The following PARD3 variants were observed in gnomAD, a reference collection of about 807,000 sequenced individuals.
PARD3 encodes the protein partitioning defective 3 homolog.
In PARD3, 75 loss-of-function variants were observed where a neutral mutation model predicts 155.4. The ratio of observed to expected loss-of-function variants is 0.48; its 90% CI spans 0.40 to 0.58. The LOEUF (loss-of-function observed/expected upper bound fraction) is 0.58, where lower values mean the gene tolerates loss of function less well. PARD3 is among the 20% of genes least tolerant of loss of function. The pLI is 0.00. For synonymous variants in PARD3, 576 were observed against 610.5 expected, an observed-to-expected ratio of 0.94 and a Z score of 0.83; for missense variants, 1,642 against 1,721.7, an observed-to-expected ratio of 0.95 and a Z score of 0.82.
At chr10:34,241,384 G>A in intron 22 of PARD3, among the ~76,000 whole-genome samples, 1 of 152,170 alleles carries the variant, frequency 6.6e-6, no homozygotes, top group Non-Finnish European at 1.5e-5. Flanking sequence ...GTGAACACTG[G>A]GGAGCACCGG....
chr10:34,703,907 G>C (rs1476677666), intron 1 of PARD3, among the ~76,000 whole-genome samples: 1 of 152,126 alleles, frequency 6.6e-6, no homozygotes, highest in Non-Finnish European at 1.5e-5. Context: ...GTAGAAAAAA[G>C]ACCTTTTTTA....
At chr10:34,196,782 C>T (rs180841156) in intron 22 of PARD3, among the ~76,000 whole-genome samples, 369 of 151,992 alleles carry the variant, frequency 2.4e-3, no homozygotes, top group Non-Finnish European at 4.0e-3. Flanking sequence ...ACCGTGTTAG[C>T]CAGGATGGTC....
chr10:34,682,112 A>AG (rs1212742431), intron 2 of PARD3, among the ~76,000 whole-genome samples: 1 of 152,118 alleles, frequency 6.6e-6, no homozygotes, highest in African/African-American at 2.4e-5. Flanking sequence ...AGCAGCCAAG[A>AG]GATCCCTGTT....
At chr10:34,459,815 T>A (rs2077535418) in intron 4 of PARD3, among the ~76,000 whole-genome samples, 1 of 152,194 alleles carries the variant, frequency 6.6e-6, no homozygotes, top group Non-Finnish European at 1.5e-5. Flanking sequence ...TCTGACAATG[T>A]AAGATAATTA....
chr10:34,403,440 A>G (rs1844112318), intron 5 of PARD3, among the ~76,000 whole-genome samples: 1 of 152,222 alleles, frequency 6.6e-6, no homozygotes, highest in Non-Finnish European at 1.5e-5. Flanking sequence ...ACAGATAAGC[A>G]AGAGTTATAG....
chr10:34,555,837 C>CCCACAG (rs1035740506), intron 2 of PARD3, among the ~76,000 whole-genome samples: 1 of 152,124 alleles, frequency 6.6e-6, no homozygotes, highest in Non-Finnish European at 1.5e-5. Context: ...CACCCTATCA[C>CCCACAG]CCACAGCCAC....
chr10:34,158,528 C>T (rs1949122756), intron 22 of PARD3, among the ~76,000 whole-genome samples: 1 of 152,320 alleles, frequency 6.6e-6, no homozygotes, highest in Admixed American at 6.5e-5. Flanking sequence ...GCTGCCCAGG[C>T]CTGACTGGGT....
At chr10:34,400,311 A>C (rs1054305903) in intron 6 of PARD3, among the ~76,000 whole-genome samples, 2 of 152,168 alleles carry the variant, frequency 1.3e-5, no homozygotes, top group Non-Finnish European at 2.9e-5. Context: ...TTACAAAACT[A>C]TTCTGCATAA....
chr10:34,416,578 G>C (rs532903720), intron 5 of PARD3, among the ~76,000 whole-genome samples: 1 of 152,280 alleles, frequency 6.6e-6, no homozygotes, highest in South Asian at 2.1e-4. Flanking sequence ...ACAGCATCTA[G>C]CTCAGTCCCT....
intron 18 of PARD3, 66 bp downstream of exon 18, chr10:34,336,133 T>C: frequency 8.7e-7 from 1 of 1,153,516 alleles, no homozygotes; most frequent in South Asian, 1.2e-5. Context: ...GATTGGCAGC[T>C]CTATAATTGT....
chr10:34,800,793 T>A (rs947953558), intron 1 of PARD3, among the ~76,000 whole-genome samples: 1 of 151,298 alleles, frequency 6.6e-6, no homozygotes, highest in Non-Finnish European at 1.5e-5. Flanking sequence ...AATAGGCAGA[T>A]AAATAATGCC....
At chr10:34,790,224 T>C (rs1200610850) in intron 1 of PARD3, among the ~76,000 whole-genome samples, 1 of 152,164 alleles carries the variant, frequency 6.6e-6, no homozygotes, top group African/African-American at 2.4e-5. Flanking sequence ...ATAAAACAAA[T>C]TGTAGAGTGT....
chr10:34,211,054 A>G lies in PARD3; in HGVS notation c.3419+58603T>C, dbSNP rs1411309807. 3.3e-5 allele frequency among the ~76,000 whole-genome samples: 5 copies of G among 152,108 alleles called. No individual in the cohort carries two copies. The South Asian group carries it at 6.2e-4, about 19-fold the overall frequency. On this transcript the variant is annotated intron_variant, in intron 22 of 24. Transcript: ENST00000374788. ...TATCTCATTAACACGGATTAACAGAATCTACTTCACCGGGTTGACGTGAGA... is the reference window on the plus strand; with the variant it reads ...TATCTCATTAACACGGATTAACAGAGTCTACTTCACCGGGTTGACGTGAGA...
chr10:34,444,409 T>G (rs1483068069), intron 5 of PARD3, among the ~76,000 whole-genome samples: 1 of 152,250 alleles, frequency 6.6e-6, no homozygotes, highest in African/African-American at 2.4e-5. Flanking sequence ...TCAAACTATA[T>G]TCTATGCTGA....
Position 34,539,610 on chromosome 10 carries a change from G to A in PARD3, c.223-22451C>T, listed in dbSNP as rs181875061. ...TGGGAGGCAGAGGTTGCAGTGAGCCGAGATCACGACACTGCACTCCAGTTT... is the reference window on the plus strand; with the variant it reads ...TGGGAGGCAGAGGTTGCAGTGAGCCAAGATCACGACACTGCACTCCAGTTT... On this transcript the variant is annotated intron_variant, in intron 2 of 24. Transcript: ENST00000374788. Among the ~76,000 whole-genome samples the A allele has an allele frequency of 3.2e-3, 485 of 152,306 alleles. 3 individuals carry two copies. The highest frequency in any genetic ancestry group is 5.0e-3 in the Admixed American group (77 of 15,300).
intron 1 of PARD3, among the ~76,000 whole-genome samples, chr10:34,769,051 T>C (rs1838500702): frequency 6.6e-6 from 1 of 152,184 alleles, no homozygotes; most frequent in African/African-American, 2.4e-5. Context: ...CTGAATGAAT[T>C]CCATTACCCC....
intron 2 of PARD3, among the ~76,000 whole-genome samples, chr10:34,637,061 A>G (rs887834027): frequency 2.0e-5 from 3 of 152,216 alleles, no homozygotes; most frequent in Non-Finnish European, 2.9e-5. Context: ...AACAAATCTG[A>G]AAGTACAATT....
intron 7 of PARD3, among the ~76,000 whole-genome samples, chr10:34,389,131 A>G (rs1842633590): frequency 6.6e-6 from 1 of 151,990 alleles, no homozygotes; most frequent in Non-Finnish European, 1.5e-5. Context: ...GAAAAGAAGA[A>G]AACACTAGAT....
chr10:34,497,591 C>T (rs192943520), intron 3 of PARD3, among the ~76,000 whole-genome samples: 1 of 152,270 alleles, frequency 6.6e-6, no homozygotes, highest in Admixed American at 6.5e-5. Flanking sequence ...ATATTTTCTG[C>T]ACTACAGTGT....
Sources: gnomAD v4.1 joint callset for allele counts (sites outside exome capture counted in the v4.1 genomes callset) on GRCh38, gnomAD v4.1.1 for gene constraint, MANE v1.5 for transcripts, NCBI Gene and HGNC (gene_info 2026-07-23, HGNC 2026-07-21) for gene names.